NIPBL: variants seen among roughly 807,000 people sequenced by gnomAD.
The protein encoded by NIPBL is nipped-B-like protein.
A neutral mutation model predicts 321.8 loss-of-function variants in NIPBL; 19 were observed. The ratio of observed to expected loss-of-function variants is 0.06; its 90% CI spans 0.04 to 0.09. The LOEUF is 0.09. NIPBL is among the 10% of genes least tolerant of loss of function. The probability of loss-of-function intolerance (pLI) is 1.00; values close to 1 mark genes in which losing one functional copy is unlikely to be tolerated. For missense variants in NIPBL, 2,210 were observed against 3,327.0 expected, an observed-to-expected ratio of 0.66 and a Z score of 8.26; for synonymous variants, 1,106 against 1,114.1, an observed-to-expected ratio of 0.99 and a Z score of 0.14.
intron 1 of NIPBL, among the ~76,000 whole-genome samples, chr5:36,890,927 C>G (rs1163335489): frequency 6.6e-6 from 1 of 152,060 alleles, no homozygotes; most frequent in African/African-American, 2.4e-5. Flanking sequence ...TGAGTGATTC[C>G]TATGTCTTTT....
rs543577016 is a variant in NIPBL at position 36,988,232 on chromosome 5, G to A, written c.3121+1931G>A. Among the ~76,000 whole-genome samples the A allele has an allele frequency of 8.5e-5, 13 of 152,104 alleles. No homozygotes were observed. The South Asian group carries it at 1.0e-3, about 12-fold the overall frequency. On this transcript the variant is annotated intron_variant, in intron 10 of 46. Coordinates refer to ENST00000282516, the MANE Select transcript of NIPBL (RefSeq NM_133433.4). ...GAATATGTTTTTAGCACCAAAATGC[G>A]TTTCTGATAGTATACTTTTAATGCA...
chr5:36,986,383 C>A, intron 10 of NIPBL, 82 bp downstream of exon 10: 1 of 985,158 alleles, frequency 1.0e-6, no homozygotes, highest in Non-Finnish European at 1.4e-6. Flanking sequence ...AGGAAATTTA[C>A]AAAAATTAGA....
chr5:36,966,803 C>T (rs1356528408), intron 6 of NIPBL, among the ~76,000 whole-genome samples: 6 of 151,790 alleles, frequency 4.0e-5, no homozygotes, highest in African/African-American at 1.5e-4. Context: ...AGCTGGATTC[C>T]TGGATCACTG....
rs1321830967 is a variant in NIPBL at position 36,962,256 on chromosome 5, C to T, written c.592C>T (p.His198Tyr). Reference sequence around the variant, plus strand: ...TTCCCATCCTTCAAGTTACACAACACATCCACAGATGCAACAAGGTAAGAA... The same window carrying T: ...TTCCCATCCTTCAAGTTACACAACATATCCACAGATGCAACAAGGTAAGAA... ...PYSHPSSYTTHPQMQQASVSS... is the reference protein window; with the variant it reads ...PYSHPSSYTTYPQMQQASVSS... The change falls in exon 6 of 47, where the codon CAT becomes TAT. Residue 198 changes from histidine to tyrosine, a missense_variant. Transcript: ENST00000282516. 2 of 1,613,998 alleles carry T rather than the reference C, an allele frequency of 1.2e-6. No individual in the cohort carries two copies. Among genetic ancestry groups the T allele is most frequent in the Non-Finnish European group, 1.7e-6 (2 of 1,179,980 alleles).
rs1746630445 is a variant in NIPBL, at chr5:37,000,269, T to C, written c.3305-104T>C. ...CAAAATCACTGAATTTCCTAGACCCTATGGAATGAAGATTTTTTTCCCCAT... is the reference window on the plus strand; with the variant it reads ...CAAAATCACTGAATTTCCTAGACCCCATGGAATGAAGATTTTTTTCCCCAT... On this transcript the variant is annotated intron_variant, in intron 11 of 46. Transcript: ENST00000282516. 26 of 1,084,468 alleles carry C rather than the reference T, an allele frequency of 2.4e-5. No individual in the cohort carries two copies. The East Asian group carries it at 6.6e-4, about 28-fold the overall frequency. The allele number at this position is 1,084,468 out of a possible 1,614,324, so 67.2% of individuals were successfully genotyped here.
chr5:36,960,085 A>G (rs59505293), intron 4 of NIPBL, among the ~76,000 whole-genome samples: 2,270 of 152,274 alleles, frequency 0.015, 55 homozygotes, highest in African/African-American at 0.051. Flanking sequence ...TAAAAAATAA[A>G]AATAAAATAG....
chr5:36,978,664 G>A (rs1309426305), intron 9 of NIPBL, among the ~76,000 whole-genome samples: 1 of 151,604 alleles, frequency 6.6e-6, no homozygotes, highest in African/African-American at 2.4e-5. Flanking sequence ...TCTTTAATTA[G>A]GACAATGTCC....
At chr5:37,001,789 C>G (rs1404977016) in intron 14 of NIPBL, among the ~76,000 whole-genome samples, 2 of 152,220 alleles carry the variant, frequency 1.3e-5, no homozygotes, top group East Asian at 3.9e-4. Flanking sequence ...AAGATTACAT[C>G]TATAAATATT....
chr5:37,002,786 T>G (rs761082557), intron 15 of NIPBL, 21 bp downstream of exon 15: 4 of 1,305,694 alleles, frequency 3.1e-6, no homozygotes, highest in Non-Finnish European at 2.2e-6. Context: ...AAAGTAAAAT[T>G]TATAAATTTA....
intron 1 of NIPBL, among the ~76,000 whole-genome samples, chr5:36,946,079 T>C (rs1026851816): frequency 2.0e-5 from 3 of 152,122 alleles, no homozygotes; most frequent in Non-Finnish European, 4.4e-5. Context: ...TATACTAGTT[T>C]AAACTTTTTA....
Position 37,044,429 on chromosome 5 carries a change from C to T in NIPBL, c.6191C>T (p.Thr2064Ile). The change falls in exon 35 of 47, where the codon ACT becomes ATT. Residue 2064 changes from threonine (T) to isoleucine (I), a missense_variant. By Grantham distance (89) the Thr-to-Ile change is moderately conservative. Around this residue, in one of 14 missense-constraint regions of NIPBL, gnomAD observed 73 missense variants for 222.3 expected, o/e 0.33. Transcript: ENST00000282516. ...VVPLMEHPSETFLATIEEDLM... is the reference protein window; with the variant it reads ...VVPLMEHPSEIFLATIEEDLM... ...CCACTGATGGAGCATCCAAGTGAAA[C>T]TTTTCTTGCCACTATTGAGGAAGAT... 1 of 1,613,952 alleles carries T rather than the reference C, an allele frequency of 6.2e-7. No homozygotes were observed. The highest frequency in any genetic ancestry group is 2.2e-5 in the East Asian group (1 of 44,826).
At chr5:36,909,838 G>A (rs761446925) in intron 1 of NIPBL, among the ~76,000 whole-genome samples, 7 of 152,184 alleles carry the variant, frequency 4.6e-5, no homozygotes, top group Non-Finnish European at 8.8e-5. Flanking sequence ...AGCACTTTGG[G>A]AGGCCAAGGT....
chr5:36,901,952 A>G (rs1215238634), intron 1 of NIPBL, among the ~76,000 whole-genome samples: 1 of 152,054 alleles, frequency 6.6e-6, no homozygotes, highest in East Asian at 1.9e-4. Context: ...AGCCATTCTG[A>G]CTGGTGTGCA....
chr5:37,064,167 A>G (rs1755126437), intron 46 of NIPBL, 189 bp downstream of exon 46: 4 of 1,421,820 alleles, frequency 2.8e-6, no homozygotes, highest in Admixed American at 3.0e-5. Flanking sequence ...CATAAAAGAC[A>G]ATAAAAAAAC....
At chr5:36,890,074 C>T (rs938525586) in intron 1 of NIPBL, among the ~76,000 whole-genome samples, 2 of 151,968 alleles carry the variant, frequency 1.3e-5, no homozygotes, top group East Asian at 1.9e-4. Flanking sequence ...CCTCTTTTAA[C>T]GTTGGATCAT....
chr5:36,881,547 T>C lies in NIPBL; in HGVS notation c.-80+4369T>C, dbSNP rs531708996. 6.6e-5 allele frequency among the ~76,000 whole-genome samples: 10 copies of C among 152,050 alleles called. No individual in the cohort carries two copies. In the East Asian group the frequency reaches 1.9e-3, roughly 29 times the overall value. On this transcript the variant is annotated intron_variant, in intron 1 of 46. Transcript: ENST00000282516. ...ACAATAATTATCTACAATGTACAGA[T>C]GAGGAACCTGAGGCTGGAAAGGTTT... is the stretch of plus-strand genomic sequence containing the variant.
intron 1 of NIPBL, among the ~76,000 whole-genome samples, chr5:36,949,004 G>A (rs1257435213): frequency 6.6e-6 from 1 of 151,776 alleles, no homozygotes; most frequent in African/African-American, 2.4e-5. Flanking sequence ...AATATACATG[G>A]CAAAAGTAAG....
At chr5:36,930,877 C>T (rs1749724887) in intron 1 of NIPBL, among the ~76,000 whole-genome samples, 1 of 152,262 alleles carries the variant, frequency 6.6e-6, no homozygotes, top group Non-Finnish European at 1.5e-5. Flanking sequence ...CTTGCATTCA[C>T]AGGATAAATC....
At chr5:36,902,606 CTG>C (rs931516545) in intron 1 of NIPBL, among the ~76,000 whole-genome samples, 5 of 152,066 alleles carry the variant, frequency 3.3e-5, no homozygotes, top group Non-Finnish European at 7.4e-5. Context: ...GTCTGTGTAT[CTG>C]TTTTTGTACC....
Sources: allele counts gnomAD v4.1 joint callset (sites outside exome capture counted in the v4.1 genomes callset), GRCh38; gene constraint gnomAD v4.1.1; regional missense constraint gnomAD v4.1.1; transcripts MANE v1.5; gene names NCBI Gene and HGNC (gene_info 2026-07-23, HGNC 2026-07-21).